ZSCAN29: variants seen among roughly 807,000 people sequenced by gnomAD.
ZSCAN29 encodes zinc finger and SCAN domain-containing protein 29.
A neutral mutation model predicts 71.9 loss-of-function variants in ZSCAN29; 55 were observed. The observed-to-expected ratio is 0.76, with a 90% CI of 0.62 to 0.96. The LOEUF is 0.96. ZSCAN29 is among the 40% of genes least tolerant of loss of function. The pLI, the probability that ZSCAN29 is intolerant of heterozygous loss-of-function variation, is 0.00. For synonymous variants in ZSCAN29, 351 were observed against 371.6 expected (o/e 0.94, Z 0.64); for missense variants, 1,042 against 1,042.2 (o/e 1.00, Z 0.00).
chr15:43,363,865 C>A, intron 5 of ZSCAN29, 50 bp downstream of exon 5: 2 of 1,506,854 alleles, frequency 1.3e-6, no homozygotes, highest in Non-Finnish European at 1.8e-6. Flanking sequence ...TTTCCTAAGT[C>A]CCATTGTCTT....
At position 43,369,045 on chromosome 15, in the gene ZSCAN29, C is replaced by T. The variant is rs199628783; in HGVS notation, c.401G>A (p.Arg134Gln). The T allele has an allele frequency of 1.2e-6, 2 of 1,612,392 alleles. No homozygotes were observed. Among genetic ancestry groups the T allele is most frequent in the African/African-American group, 1.3e-5 (1 of 74,958 alleles). The change falls in exon 3 of 6, where the codon CGG becomes CAG. Residue 134 changes from arginine (R) to glutamine (Q), a missense_variant. Arg to Gln is a conservative substitution (Grantham distance 43). Coordinates refer to ENST00000684362, the MANE Select transcript of ZSCAN29 (RefSeq NM_001372080.1). ...PKSSQELLSV[R>Q]QESVEPQPRG... ...GGGCTGGGGTTCCACTGACTCCTGC[C>T]GAACACTTAATAACTCTTGTGATGA...
At position 43,368,947 on chromosome 15, in the gene ZSCAN29, T is replaced by G. The variant is rs760518253; in HGVS notation, c.499A>C (p.Lys167Gln). ...GPQEQMNPKE[K>Q]LKPFQRSGLP... ...CCGCTCCTTTGAAAAGGTTTGAGCT[T>G]CTCCTTTGGGTTCATCTGCTCCTGT... Residue 167 changes from lysine (K) to glutamine (Q), a missense_variant, in exon 3 of 6, where the codon AAG (lysine) becomes CAG (glutamine). Transcript: ENST00000684362. The G allele has an allele frequency of 5.6e-6, 9 of 1,608,660 alleles. No individual in the cohort carries two copies. Among genetic ancestry groups the G allele is most frequent in the Admixed American group, 5.1e-5 (3 of 59,314 alleles).
chr15:43,361,186 T>C lies in ZSCAN29; in HGVS notation c.2446A>G (p.Lys816Glu), dbSNP rs2043974552. Residue 816 changes from lysine (K) to glutamate (E), a missense_variant, in exon 6 of 6, where the codon AAA (lysine) becomes GAA (glutamate). Transcript: ENST00000684362. ...RAHHRTHTGE[K>E]PYGCHDCGKC... is the part of the protein sequence containing the mutation. The stretch of plus-strand genomic sequence containing the variant: ...CCACAGTCATGACACCCATAGGGTT[T>C]CTCTCCTGTGTGGGTTCTATGATGT... 1 of 1,614,098 alleles carries C rather than the reference T, an allele frequency of 6.2e-7. No individual in the cohort carries two copies. Among genetic ancestry groups the C allele is most frequent in the South Asian group, 1.1e-5 (1 of 91,088 alleles).
Position 43,361,707 on chromosome 15 carries a change from T to C in ZSCAN29, c.1925A>G (p.Gln642Arg). 6.2e-7 allele frequency: 1 copy of C among 1,614,264 alleles called. No homozygotes were observed. Among genetic ancestry groups the C allele is most frequent in the Non-Finnish European group, 8.5e-7 (1 of 1,180,046 alleles). The change falls in exon 6 of 6, where the codon CAG (glutamine) becomes CGG (arginine). Residue 642 changes from glutamine (Q) to arginine (R), a missense_variant. Physicochemically the swap from Gln to Arg is conservative, Grantham distance 43. Coordinates refer to ENST00000684362, the MANE Select transcript of ZSCAN29 (RefSeq NM_001372080.1). ...GGGTCTCTCTCCCAAGCAAGGTCTC[T>C]GTTGACTTAGGACTTCACTTAAGCT... ...EKSLSEVLSQ[Q>R]RPCLGERPYK... is the part of the protein sequence containing the mutation.
intron 4 of ZSCAN29, 39 bp downstream of exon 4, chr15:43,366,071 A>G (rs2044032506): frequency 1.9e-6 from 3 of 1,549,144 alleles, no homozygotes; most frequent in African/African-American, 2.8e-5. Flanking sequence ...TTTGTTCCCC[A>G]AGTCTAATTC....
chr15:43,368,011 G>A (rs1242432334), intron 3 of ZSCAN29, among the ~76,000 whole-genome samples: 1 of 152,086 alleles, frequency 6.6e-6, no homozygotes, highest in South Asian at 2.1e-4. Context: ...TAAAGGCATT[G>A]GGGAAAGCTA....
intron 1 of ZSCAN29, chr15:43,370,238 C>T (rs1284450143): frequency 6.9e-6 from 2 of 290,018 alleles, no homozygotes; most frequent in South Asian, 4.9e-5. Flanking sequence ...CCCTCTCCCA[C>T]CTCCTCCAAA....
intron 5 of ZSCAN29, among the ~76,000 whole-genome samples, chr15:43,363,063 T>G (rs2043998683): frequency 6.6e-6 from 1 of 152,000 alleles, no homozygotes. Flanking sequence ...CTGCAACCTC[T>G]GCCTCCCAGG....
In ZSCAN29 at chr15:43,360,428, G is replaced by C. The variant is rs1245400135; in HGVS notation, c.*645C>G. The C allele has an allele frequency of 6.6e-6, 1 of 150,840 alleles. No individual in the cohort carries two copies. The highest frequency in any genetic ancestry group is 1.5e-5 in the Non-Finnish European group (1 of 67,808). The allele number at this position is 150,840 out of a possible 1,614,324, so 9.3% of individuals were successfully genotyped here. ...AGGCAGGCAGATCACCTGAGGTCGG[G>C]AGTTTGAGACCAGCCTGCCCAACAT... On this transcript the variant is annotated 3_prime_UTR_variant, in exon 6 of 6. Transcript: ENST00000684362.
chr15:43,362,994 CTT>C (rs10708474), intron 5 of ZSCAN29, among the ~76,000 whole-genome samples: 233 of 146,074 alleles, frequency 1.6e-3, no homozygotes, highest in African/African-American at 5.0e-3. Flanking sequence ...GGTTAAGTAA[CTT>C]TTTTTTTTTT....
chr15:43,361,726 T>C lies in ZSCAN29; in HGVS notation c.1906A>G (p.Ser636Gly). The C allele has an allele frequency of 6.2e-7, 1 of 1,614,204 alleles. No individual in the cohort carries two copies. The highest frequency in any genetic ancestry group is 8.5e-7 in the Non-Finnish European group (1 of 1,180,034). Residue 636 changes from serine (S) to glycine (G), a missense_variant, in exon 6 of 6, where the codon AGT (serine) becomes GGT (glycine). By Grantham distance (56) the Ser-to-Gly change is moderately conservative. Coordinates refer to ENST00000684362, the MANE Select transcript of ZSCAN29 (RefSeq NM_001372080.1). ...GGTCTCTGTTGACTTAGGACTTCAC[T>C]TAAGCTCTTCTCCGGGAGTGTCAGT... is the stretch of plus-strand genomic sequence containing the variant. ...GKLTLPEKSLSEVLSQQRPCL... is the reference protein window; with the variant it reads ...GKLTLPEKSLGEVLSQQRPCL...
chr15:43,366,501 T>C lies in ZSCAN29; in HGVS notation c.831A>G (p.Gln277=). ...EALRNCHRNS[Q]VYGAVAERLR... ...GCCGCTCAGCCACAGCCCCATACAC[T>C]TGGCTGTTCCTATGGCAGTTTCTGA... is the stretch of plus-strand genomic sequence containing the variant. Residue 277 remains glutamine, a synonymous_variant, in exon 4 of 6, where the codon CAA becomes CAG. Coordinates refer to ENST00000684362, the MANE Select transcript of ZSCAN29 (RefSeq NM_001372080.1). 1 of 1,614,236 alleles carries C rather than the reference T, an allele frequency of 6.2e-7. No individual in the cohort carries two copies. Among genetic ancestry groups the C allele is most frequent in the East Asian group, 2.2e-5 (1 of 44,890 alleles).
chr15:43,365,859 TGGAA>T (rs1192981840), intron 4 of ZSCAN29, among the ~76,000 whole-genome samples: 2 of 152,180 alleles, frequency 1.3e-5, no homozygotes, highest in Admixed American at 6.5e-5. Flanking sequence ...AGTAAAGAAA[TGGAA>T]GGAATGATAC....
In ZSCAN29 at chr15:43,371,001, C is replaced by CCCGGCCCCGGCT. The variant is rs1555393174; in HGVS notation, c.-557_-556insAGCCGGGGCCGG. On this transcript the variant is annotated 5_prime_UTR_variant, in exon 1 of 6. Transcript: ENST00000684362. ...CCCCGGCCCCGGCCCCGGCCCCGGCCCCGGCTCTCCAGCCTCCCAAGTACA... is the reference window on the plus strand; with the variant it reads ...CCCCGGCCCCGGCCCCGGCCCCGGCCCCGGCCCCGGCTCCGGCTCTCCAGCCTCCCAAGTACA... The CCCGGCCCCGGCT allele has an allele frequency of 9.4e-6, 3 of 317,570 alleles. No individual in the cohort carries two copies. Among genetic ancestry groups the CCCGGCCCCGGCT allele is most frequent in the African/African-American group, 2.6e-5 (1 of 39,018 alleles). 19.7% of individuals were successfully genotyped at this position (317,570 alleles called of 1,614,324 possible).
intron 3 of ZSCAN29, among the ~76,000 whole-genome samples, chr15:43,368,176 A>G (rs971334932): frequency 6.6e-6 from 1 of 152,242 alleles, no homozygotes. Context: ...CACAATTAAC[A>G]TGATATTTGG....
chr15:43,369,321 G>A (rs544027879), intron 2 of ZSCAN29, 194 bp from the exon 3 acceptor site: 34 of 597,514 alleles, frequency 5.7e-5, no homozygotes, highest in African/African-American at 5.7e-4. Context: ...AGAAGGAAAC[G>A]ATCAAAATAG....
chr15:43,366,060 CTT>C (rs751538993), intron 4 of ZSCAN29, 48 bp downstream of exon 4: 2 of 1,536,560 alleles, frequency 1.3e-6, no homozygotes, highest in Non-Finnish European at 1.8e-6. Context: ...CATCCAGTCT[CTT>C]TGTTCCCCAA....
At position 43,369,109 on chromosome 15, in the gene ZSCAN29, C is replaced by T; in HGVS notation, c.337G>A (p.Gly113Arg). ...ATCTTCTCCAAGCGCACTTCCTGCC[C>T]CTTCACAGAGACTGTGACCTAGAAA... ...PRSSVTVSVK[G>R]QEVRLEKMTP... Residue 113 changes from glycine to arginine, a missense_variant, in exon 3 of 6, where the codon GGG (glycine) becomes AGG (arginine). Transcript: ENST00000684362. The T allele has an allele frequency of 1.9e-6, 3 of 1,578,468 alleles. No homozygotes were observed. The highest frequency in any genetic ancestry group is 2.3e-5 in the South Asian group (2 of 86,138).
chr15:43,369,770 C>T lies in ZSCAN29; in HGVS notation c.144G>A (p.Arg48=). ...TCTGCTCCTTGGTGCGCACCTCCGG[C>T]CTTAGCCACCGACAGCAAAGTTCCC... ...QLWELCCRWL[R]PEVRTKEQIV... Residue 48 remains arginine, a synonymous_variant, in exon 2 of 6, where the codon AGG becomes AGA. Coordinates refer to ENST00000684362, the MANE Select transcript of ZSCAN29 (RefSeq NM_001372080.1). 1.2e-6 allele frequency: 2 copies of T among 1,614,258 alleles called. No homozygotes were observed. The highest frequency in any genetic ancestry group is 1.7e-6 in the Non-Finnish European group (2 of 1,180,044).
Sources: gnomAD v4.1 joint callset for allele counts (sites outside exome capture counted in the v4.1 genomes callset) on GRCh38, gnomAD v4.1.1 for gene constraint, MANE v1.5 for transcripts, NCBI Gene and HGNC (gene_info 2026-07-23, HGNC 2026-07-21) for gene names.